Variants in SYCP1 observed in about 807,000 individuals in gnomAD.
The protein encoded by SYCP1 is cancer/testis antigen 8.
A neutral mutation model predicts 153.1 loss-of-function variants in SYCP1; 64 were observed. The observed-to-expected ratio is 0.42, with a 90% CI of 0.34 to 0.51. The LOEUF (loss-of-function observed/expected upper bound fraction) is 0.51, where lower values mean the gene tolerates loss of function less well. Ranked by LOEUF, SYCP1 falls within the 20% of genes least tolerant of loss-of-function variation. The pLI is 0.06. For synonymous variants in SYCP1, 384 were observed against 341.8 expected (o/e 1.12, Z -1.36); for missense variants, 997 against 1,049.0 (o/e 0.95, Z 0.68).
At chr1:114,929,857 AATG>A (rs1239779365) in intron 23 of SYCP1, among the ~76,000 whole-genome samples, 4 of 152,084 alleles carry the variant, frequency 2.6e-5, no homozygotes, top group Admixed American at 2.0e-4. Context: ...CCTTGATTTA[AATG>A]ATATTTATAG....
At chr1:114,934,205 C>CG (rs1669828127) in intron 23 of SYCP1, among the ~76,000 whole-genome samples, 2 of 152,220 alleles carry the variant, frequency 1.3e-5, no homozygotes, top group Admixed American at 1.3e-4. Context: ...AGACTAACAG[C>CG]GGATCTCTGG....
At chr1:114,897,990 T>G (rs923822967) in intron 16 of SYCP1, among the ~76,000 whole-genome samples, 2 of 152,172 alleles carry the variant, frequency 1.3e-5, no homozygotes, top group Non-Finnish European at 2.9e-5. Context: ...GCCTTTGAAT[T>G]CCCTAGACCT....
intron 27 of SYCP1, among the ~76,000 whole-genome samples, chr1:114,970,318 G>A (rs1190893227): frequency 1.3e-5 from 2 of 151,270 alleles, no homozygotes; most frequent in Non-Finnish European, 2.9e-5. Context: ...ATCATATCCT[G>A]TATTATTTTT....
At chr1:114,929,218 A>T (rs1669465791) in intron 23 of SYCP1, among the ~76,000 whole-genome samples, 1 of 152,196 alleles carries the variant, frequency 6.6e-6, no homozygotes, top group South Asian at 2.1e-4. Flanking sequence ...AACAATAGCA[A>T]AAAAGTCAGT....
At chr1:114,953,743 TTC>T in intron 27 of SYCP1, among the ~76,000 whole-genome samples, 2 of 152,324 alleles carry the variant, frequency 1.3e-5, no homozygotes, top group South Asian at 4.1e-4. Flanking sequence ...TACTTTATTT[TTC>T]TCTGTCAAGA....
intron 16 of SYCP1, among the ~76,000 whole-genome samples, chr1:114,899,514 C>A (rs1022170712): frequency 2.0e-5 from 3 of 152,114 alleles, no homozygotes; most frequent in African/African-American, 7.2e-5. Context: ...TTTGAGAGCA[C>A]CTGTCAAAGT....
intron 23 of SYCP1, among the ~76,000 whole-genome samples, chr1:114,930,584 T>A (rs903269049): frequency 2.0e-5 from 3 of 151,894 alleles, no homozygotes; most frequent in Admixed American, 2.0e-4. Context: ...AAATTTCTTA[T>A]GTATCTTTTA....
rs1320263790 is a variant in SYCP1 at position 114,994,925 on chromosome 1, G to A, written c.2837G>A (p.Gly946Glu). The A allele has an allele frequency of 1.9e-6, 3 of 1,608,808 alleles. No homozygotes were observed. Among genetic ancestry groups the A allele is most frequent in the African/African-American group, 1.3e-5 (1 of 74,548 alleles). Residue 946 changes from glycine to glutamate, a missense_variant, in exon 32 of 32, where the codon GGA (glycine) becomes GAA (glutamate). Coordinates refer to ENST00000369522, the MANE Select transcript of SYCP1 (RefSeq NM_003176.4). ...LTTPGSTLKFGAIRKMREDRW... is the reference protein window; with the variant it reads ...LTTPGSTLKFEAIRKMREDRW... ...ACCCCTGGATCTACACTGAAGTTTG[G>A]AGCTATAAGAAAAATGCGGGAGGAC...
At chr1:114,950,817 A>G (rs999662839) in intron 27 of SYCP1, among the ~76,000 whole-genome samples, 6 of 147,624 alleles carry the variant, frequency 4.1e-5, no homozygotes, top group African/African-American at 1.5e-4. Context: ...ATGTTAAATT[A>G]CACTCTTTTT....
chr1:114,877,517 A>T (rs1288877930), intron 11 of SYCP1, among the ~76,000 whole-genome samples: 1 of 152,236 alleles, frequency 6.6e-6, no homozygotes, highest in Non-Finnish European at 1.5e-5. Flanking sequence ...TAATTTAAAA[A>T]ATTAATTCAC....
At chr1:114,968,651 T>A (rs1454152684) in intron 27 of SYCP1, among the ~76,000 whole-genome samples, 1 of 152,170 alleles carries the variant, frequency 6.6e-6, no homozygotes, top group Non-Finnish European at 1.5e-5. Flanking sequence ...AGGTTGTTAT[T>A]ACCTACCTTC....
At position 114,857,136 on chromosome 1, in the gene SYCP1, C is replaced by CAAAAAAAAAAAAAAAAAAAA. The variant is rs71582509; in HGVS notation, c.194-94_194-75dup. 4.6e-4 allele frequency: 114 copies of CAAAAAAAAAAAAAAAAAAAA among 245,190 alleles called. 4 individuals carry two copies. Among genetic ancestry groups the CAAAAAAAAAAAAAAAAAAAA allele is most frequent in the African/African-American group, 2.4e-3 (40 of 16,858 alleles). 15.2% of individuals were successfully genotyped at this position (245,190 alleles called of 1,614,324 possible). On this transcript the variant is annotated intron_variant, in intron 3 of 31. Coordinates refer to ENST00000369522, the MANE Select transcript of SYCP1 (RefSeq NM_003176.4). The stretch of plus-strand genomic sequence containing the variant: ...ATAGTGCCAGATGTCCTCTCTCTCT[C>CAAAAAAAAAAAAAAAAAAAA]AAAAAAAAAAAAAAAAAAAAAGAGA...
chr1:114,983,679 A>G (rs564166931), intron 29 of SYCP1, among the ~76,000 whole-genome samples: 1 of 151,840 alleles, frequency 6.6e-6, no homozygotes, highest in Non-Finnish European at 1.5e-5. Context: ...AAGTTAAGAC[A>G]CCACGAAGTT....
Position 114,980,206 on chromosome 1 carries a change from T to C in SYCP1, c.2383-1130T>C, listed in dbSNP as rs1673061719. ...TGCCTCAATTTCCTTACAATTTCCT[T>C]ATGAATAATTGCCACGATTGTATTC... On this transcript the variant is annotated intron_variant, in intron 28 of 31. Coordinates refer to ENST00000369522, the MANE Select transcript of SYCP1 (RefSeq NM_003176.4). Among the ~76,000 whole-genome samples, 3 of 151,864 alleles carry C rather than the reference T, an allele frequency of 2.0e-5. No individual in the cohort carries two copies. The South Asian group carries it at 6.2e-4, about 31-fold the overall frequency.
chr1:114,937,143 T>A (rs546597582), intron 23 of SYCP1, among the ~76,000 whole-genome samples: 78 of 152,292 alleles, frequency 5.1e-4, no homozygotes, highest in African/African-American at 1.6e-3. Flanking sequence ...GACTTCAAAC[T>A]ATACTACAAG....
intron 3 of SYCP1, among the ~76,000 whole-genome samples, chr1:114,856,968 C>T (rs1307164291): frequency 6.9e-6 from 1 of 145,406 alleles, no homozygotes; most frequent in Non-Finnish European, 1.5e-5. Flanking sequence ...CCCCACCACC[C>T]CCAAAACTAG....
At chr1:114,921,945 ACTTT>A in intron 20 of SYCP1, among the ~76,000 whole-genome samples, 1 of 152,130 alleles carries the variant, frequency 6.6e-6, no homozygotes, top group Admixed American at 6.5e-5. Context: ...TTCCTTCAGC[ACTTT>A]AAATATGTCA....
chr1:114,856,589 C>G lies in SYCP1; in HGVS notation c.125C>G (p.Thr42Ser). The G allele has an allele frequency of 6.2e-7, 1 of 1,610,710 alleles. No homozygotes were observed. The highest frequency in any genetic ancestry group is 8.5e-7 in the Non-Finnish European group (1 of 1,178,682). The change falls in exon 3 of 32, where the codon ACT becomes AGT. Residue 42 changes from threonine (T) to serine (S), a missense_variant. Physicochemically the swap from Thr to Ser is moderately conservative, Grantham distance 58. Transcript: ENST00000369522. ...TGTCTCTAGAGTTTCAACAAATGTA[C>G]TGAAGATGATTTTGAGTTTCCATTT... ...STFFKSFNKC[T>S]EDDFEFPFAK...
intron 27 of SYCP1, 30 bp downstream of exon 27, chr1:114,947,350 A>T: frequency 6.4e-7 from 1 of 1,557,342 alleles, no homozygotes; most frequent in Non-Finnish European, 8.8e-7. Context: ...AGATAAAATG[A>T]TTACAAGGTT....
Sources: gnomAD v4.1 joint callset for allele counts (sites outside exome capture counted in the v4.1 genomes callset) on GRCh38, gnomAD v4.1.1 for gene constraint, MANE v1.5 for transcripts, NCBI Gene and HGNC (gene_info 2026-07-23, HGNC 2026-07-21) for gene names.